The following LYPD6B variants were observed in gnomAD, a reference collection of about 807,000 sequenced individuals.
LYPD6B encodes the protein LY6/PLAUR domain containing 6B.
A neutral mutation model predicts 22.8 loss-of-function variants in LYPD6B; 17 were observed. The ratio of observed to expected loss-of-function variants is 0.75; its 90% confidence interval spans 0.51 to 1.12. The LOEUF is 1.12. Ranked by LOEUF, LYPD6B falls within the 50% of genes most tolerant of loss-of-function variation. The pLI is 0.00. For synonymous variants in LYPD6B, 106 were observed against 91.6 expected, an observed-to-expected ratio of 1.16 and a Z score of -0.90; for missense variants, 221 against 258.3, an observed-to-expected ratio of 0.86 and a Z score of 0.99.
At chr2:149,210,084 T>C (rs576252622) in intron 5 of LYPD6B, among the ~76,000 whole-genome samples, 40 of 152,308 alleles carry the variant, frequency 2.6e-4, no homozygotes, top group African/African-American at 9.6e-4. Context: ...ATGTCCAACC[T>C]GGTAGGCCTT....
intron 1 of LYPD6B, among the ~76,000 whole-genome samples, chr2:149,124,556 A>C (rs1559013868): frequency 6.6e-6 from 1 of 152,206 alleles, no homozygotes; most frequent in African/African-American, 2.4e-5. Flanking sequence ...CCACGAGAGT[A>C]GCATCACTTC....
intron 5 of LYPD6B, among the ~76,000 whole-genome samples, chr2:149,211,914 TCTGGGTAGAAATGAGGTACTGTAGATAG>T (rs563386885): frequency 6.6e-6 from 1 of 151,974 alleles, no homozygotes; most frequent in South Asian, 2.1e-4. Flanking sequence ...TAAGGATAAT[TCTGGGTAGAAATGAGGTACTGTAGATAG>T]CTGGGTAGAA....
chr2:149,117,516 C>T (rs1315670794), intron 1 of LYPD6B, among the ~76,000 whole-genome samples: 1 of 152,108 alleles, frequency 6.6e-6, no homozygotes, highest in East Asian at 1.9e-4. Context: ...AGTGATCAGT[C>T]CACCTTAGCC....
intron 5 of LYPD6B, among the ~76,000 whole-genome samples, chr2:149,211,715 T>C (rs1470102265): frequency 1.3e-5 from 2 of 152,194 alleles, no homozygotes; most frequent in Non-Finnish European, 2.9e-5. Context: ...AAGCCCAGTC[T>C]TCTCAGCTTT....
intron 1 of LYPD6B, among the ~76,000 whole-genome samples, chr2:149,084,104 T>TAA (rs1197178138): frequency 6.6e-6 from 1 of 151,654 alleles, no homozygotes; most frequent in Non-Finnish European, 1.5e-5. Flanking sequence ...ATCTCAAAAA[T>TAA]AAAATAAAAT....
At chr2:149,142,855 C>G (rs1398792506) in intron 2 of LYPD6B, among the ~76,000 whole-genome samples, 1 of 152,046 alleles carries the variant, frequency 6.6e-6, no homozygotes, top group Admixed American at 6.6e-5. Flanking sequence ...CCTTCTTCAC[C>G]TGATTACAAG....
intron 2 of LYPD6B, among the ~76,000 whole-genome samples, chr2:149,149,603 G>C (rs1178901669): frequency 6.6e-6 from 1 of 152,234 alleles, no homozygotes; most frequent in Non-Finnish European, 1.5e-5. Flanking sequence ...GGCCAGGGAA[G>C]ACTTCTGCAC....
At chr2:149,185,252 C>G (rs1692015691) in intron 3 of LYPD6B, among the ~76,000 whole-genome samples, 1 of 152,098 alleles carries the variant, frequency 6.6e-6, no homozygotes, top group African/African-American at 2.4e-5. Flanking sequence ...GGGTCTGAAG[C>G]CCAAAACTAG....
intron 3 of LYPD6B, among the ~76,000 whole-genome samples, chr2:149,181,602 A>G (rs923638701): frequency 1.3e-5 from 2 of 152,190 alleles, no homozygotes; most frequent in Admixed American, 6.5e-5. Context: ...TGATCTTGGC[A>G]GTCTCCTTTG....
intron 2 of LYPD6B, chr2:149,160,549 A>C: frequency 1.5e-6 from 1 of 654,454 alleles, no homozygotes; most frequent in South Asian, 1.5e-5. Flanking sequence ...ATAAAACGCT[A>C]GCTCACACTC....
intron 3 of LYPD6B, among the ~76,000 whole-genome samples, chr2:149,185,221 A>G (rs2106016691): frequency 6.6e-6 from 1 of 152,294 alleles, no homozygotes; most frequent in South Asian, 2.1e-4. Context: ...TGGACCAATT[A>G]AAGAAATTGA....
At chr2:149,089,794 T>C (rs1685566299) in intron 1 of LYPD6B, among the ~76,000 whole-genome samples, 1 of 152,214 alleles carries the variant, frequency 6.6e-6, no homozygotes, top group Non-Finnish European at 1.5e-5. Context: ...AAAGTATTTA[T>C]TTCAAAATAT....
chr2:149,168,634 G>C (rs1009022926), intron 3 of LYPD6B, among the ~76,000 whole-genome samples: 1 of 152,202 alleles, frequency 6.6e-6, no homozygotes, highest in African/African-American at 2.4e-5. Context: ...CCTGTTCTCT[G>C]AATGTAGGTC....
At chr2:149,093,537 C>T (rs1305453792) in intron 1 of LYPD6B, among the ~76,000 whole-genome samples, 1 of 152,184 alleles carries the variant, frequency 6.6e-6, no homozygotes, top group Non-Finnish European at 1.5e-5. Context: ...TGCCCATGGG[C>T]CATCTCTTTA....
chr2:149,128,878 G>A (rs1003621689), intron 1 of LYPD6B, among the ~76,000 whole-genome samples: 1 of 152,004 alleles, frequency 6.6e-6, no homozygotes, highest in South Asian at 2.1e-4. Flanking sequence ...TTTTTATCTT[G>A]CCTAGTGTTC....
chr2:149,109,273 G>T (rs1324631521), intron 1 of LYPD6B, among the ~76,000 whole-genome samples: 1 of 151,988 alleles, frequency 6.6e-6, no homozygotes, highest in Admixed American at 6.6e-5. Flanking sequence ...ATTTCACTTA[G>T]GTTTTTGAAA....
At chr2:149,089,763 C>G (rs1685564101) in intron 1 of LYPD6B, among the ~76,000 whole-genome samples, 1 of 152,090 alleles carries the variant, frequency 6.6e-6, no homozygotes, top group African/African-American at 2.4e-5. Flanking sequence ...TCTTGTTCAT[C>G]CTGTAGCTGT....
At chr2:149,075,811 T>C (rs1684854815) in intron 1 of LYPD6B, among the ~76,000 whole-genome samples, 1 of 152,192 alleles carries the variant, frequency 6.6e-6, no homozygotes, top group Non-Finnish European at 1.5e-5. Context: ...TTCTGAAAAG[T>C]AGGTAAGATA....
At chr2:149,208,521 G>T in intron 5 of LYPD6B, 109 bp downstream of exon 5, 2 of 854,578 alleles carry the variant, frequency 2.3e-6, no homozygotes, top group East Asian at 2.5e-5. Flanking sequence ...AGACTATCCG[G>T]ACATCAGACT....
Sources: allele counts gnomAD v4.1 joint callset (sites outside exome capture counted in the v4.1 genomes callset), GRCh38; gene constraint gnomAD v4.1.1; transcripts MANE v1.5; gene names NCBI Gene and HGNC (gene_info 2026-07-23, HGNC 2026-07-21).